CREB5: variants seen among roughly 807,000 people sequenced by gnomAD.
The protein encoded by CREB5 is cAMP responsive element binding protein 5.
CREB5 carries 19 observed loss-of-function variants against 57.1 expected under a neutral mutation model. That is an observed-to-expected ratio of 0.33 (90% CI 0.23 to 0.49). The LOEUF (loss-of-function observed/expected upper bound fraction) is 0.49. Ranked by LOEUF, CREB5 falls within the 20% of genes least tolerant of loss-of-function variation. CREB5 has a pLI of 0.99. For missense variants in CREB5, 579 were observed against 671.6 expected (o/e 0.86, Z 1.52); for synonymous variants, 238 against 238.3 (o/e 1.00, Z 0.01).
chr7:28,608,104 C>CTG (rs1199711474), intron 5 of CREB5, among the ~76,000 whole-genome samples: 8 of 36,812 alleles, frequency 2.2e-4, no homozygotes, highest in African/African-American at 9.2e-4. Context: ...GTCTCTCTCT[C>CTG]TCTCTCTCTC....
At chr7:28,410,277 CCG>C (rs1787723761), upstream of CREB5, 2 of 456,146 alleles carry the variant, frequency 4.4e-6, no homozygotes, top group Non-Finnish European at 8.8e-6. Context: ...CCTCCTGCCT[CCG>C]CTGCTTTCTT....
chr7:28,496,620 T>C (rs890818660), intron 3 of CREB5, among the ~76,000 whole-genome samples: 3 of 152,108 alleles, frequency 2.0e-5, no homozygotes, highest in Non-Finnish European at 4.4e-5. Context: ...CATCAGACTT[T>C]GCCACTTTAT....
intron 1 of CREB5, among the ~76,000 whole-genome samples, chr7:28,460,334 A>G (rs1234610851): frequency 6.6e-6 from 1 of 152,236 alleles, no homozygotes; most frequent in Non-Finnish European, 1.5e-5. Flanking sequence ...TGCTTTACAC[A>G]TGTCATTTTA....
intron 5 of CREB5, among the ~76,000 whole-genome samples, chr7:28,673,597 G>C (rs1028106839): frequency 1.4e-5 from 2 of 142,456 alleles, no homozygotes; most frequent in African/African-American, 5.1e-5. Context: ...TTTTTGCCAA[G>C]TTTCAAAAGT....
At chr7:28,687,637 C>T (rs1801013234) in intron 5 of CREB5, among the ~76,000 whole-genome samples, 1 of 151,442 alleles carries the variant, frequency 6.6e-6, no homozygotes, top group Non-Finnish European at 1.5e-5. Context: ...CTTATTTAGA[C>T]GTGATCATCC....
intron 3 of CREB5, among the ~76,000 whole-genome samples, chr7:28,499,613 C>T (rs754413475): frequency 1.3e-4 from 20 of 152,126 alleles, no homozygotes; most frequent in East Asian, 5.8e-4. Context: ...GATGGAGTTT[C>T]GCTCTCGTTG....
intron 1 of CREB5, among the ~76,000 whole-genome samples, chr7:28,344,203 C>T (rs1237655824): frequency 6.6e-6 from 1 of 151,956 alleles, no homozygotes; most frequent in African/African-American, 2.4e-5. Context: ...CTTTTGAGGT[C>T]TTATCCAAAA....
intron 7 of CREB5, among the ~76,000 whole-genome samples, chr7:28,729,993 G>C (rs544758248): frequency 6.6e-6 from 1 of 152,270 alleles, no homozygotes; most frequent in Non-Finnish European, 1.5e-5. Flanking sequence ...AGCAACAATA[G>C]CAATCTACAG....
rs1017334518 is a variant in CREB5 at position 28,822,483 on chromosome 7, G to GAATC, written c.*3210_*3213dup. The GAATC allele has an allele frequency of 5.0e-4, 77 of 152,616 alleles. No individual in the cohort carries two copies. The highest frequency in any genetic ancestry group is 1.8e-3 in the African/African-American group (76 of 41,414). 9.5% of individuals were successfully genotyped at this position (152,616 alleles called of 1,614,324 possible). ...CTGGGTCACCCATCCATGTGTTCATGAATCAATCATCACGGCCTGCAGAGC... is the reference window on the plus strand; with the variant it reads ...CTGGGTCACCCATCCATGTGTTCATGAATCAATCAATCATCACGGCCTGCAGAGC... On this transcript the variant is annotated 3_prime_UTR_variant, in exon 11 of 11. Coordinates refer to ENST00000357727, the MANE Select transcript of CREB5 (RefSeq NM_182898.4).
At chr7:28,562,068 G>A (rs1384561446) in intron 4 of CREB5, among the ~76,000 whole-genome samples, 1 of 152,192 alleles carries the variant, frequency 6.6e-6, no homozygotes, top group African/African-American at 2.4e-5. Flanking sequence ...TTAATGGCAC[G>A]AGACTAGTTT....
chr7:28,429,269 G>A (rs1481125377), intron 1 of CREB5, among the ~76,000 whole-genome samples: 2 of 152,054 alleles, frequency 1.3e-5, no homozygotes, highest in African/African-American at 4.8e-5. Context: ...CTGGTGATCT[G>A]CCTGCCTAGG....
chr7:28,438,582 C>A (rs754895778), intron 1 of CREB5, among the ~76,000 whole-genome samples: 3 of 152,092 alleles, frequency 2.0e-5, no homozygotes, highest in Admixed American at 6.6e-5. Context: ...CATACTGAAT[C>A]AAAATAATTG....
intron 5 of CREB5, chr7:28,615,688 A>G (rs1279264970): frequency 6.6e-6 from 1 of 152,286 alleles, no homozygotes; most frequent in Non-Finnish European, 1.5e-5. Flanking sequence ...AGACTCCTCA[A>G]TGGGCAAGGA....
At chr7:28,786,962 TG>T (rs1297948399) in intron 7 of CREB5, among the ~76,000 whole-genome samples, 2 of 152,160 alleles carry the variant, frequency 1.3e-5, no homozygotes, top group East Asian at 3.8e-4. Context: ...CAGAATATAG[TG>T]TAAAAACCAT....
chr7:28,645,585 T>G (rs1424769393), intron 5 of CREB5, among the ~76,000 whole-genome samples: 2 of 152,224 alleles, frequency 1.3e-5, no homozygotes, highest in African/African-American at 4.8e-5. Context: ...TATGTTATGA[T>G]TGGAGATTTT....
intron 4 of CREB5, among the ~76,000 whole-genome samples, chr7:28,542,343 T>A (rs1794240442): frequency 6.6e-6 from 1 of 152,238 alleles, no homozygotes; most frequent in Admixed American, 6.5e-5. Context: ...AAGTCGTTGT[T>A]CCTGCTTAAT....
intron 1 of CREB5, among the ~76,000 whole-genome samples, chr7:28,420,053 A>C (rs1260608239): frequency 6.6e-6 from 1 of 152,182 alleles, no homozygotes; most frequent in Admixed American, 6.5e-5. Flanking sequence ...CCAAAACAAA[A>C]CAGTAATGTC....
At chr7:28,683,650 A>C (rs955180383) in intron 5 of CREB5, among the ~76,000 whole-genome samples, 3 of 152,208 alleles carry the variant, frequency 2.0e-5, no homozygotes, top group African/African-American at 7.2e-5. Flanking sequence ...TCCTCCTGGC[A>C]GAAGCAATGA....
rs565093140 is a variant in CREB5 at position 28,532,805 on chromosome 7, A to G, written c.291+25068A>G. On this transcript the variant is annotated intron_variant, in intron 4 of 10. Coordinates refer to ENST00000357727, the MANE Select transcript of CREB5 (RefSeq NM_182898.4). ...GTTTGTATCCCAGCTTTTGCCAGCT[A>G]TGTAATCATAGGAAGTTACTATACC... Among the ~76,000 whole-genome samples the G allele has an allele frequency of 3.9e-5, 6 of 152,352 alleles. No individual in the cohort carries two copies. The South Asian group carries it at 1.0e-3, about 26-fold the overall frequency.
Sources: allele counts gnomAD v4.1 joint callset (sites outside exome capture counted in the v4.1 genomes callset), GRCh38; gene constraint gnomAD v4.1.1; transcripts MANE v1.5; gene names NCBI Gene and HGNC (gene_info 2026-07-23, HGNC 2026-07-21).